The following XIRP2 variants were observed in gnomAD, a reference collection of about 807,000 sequenced individuals.
The protein encoded by XIRP2 is xin actin binding repeat containing 2, also known as xin actin-binding repeat-containing protein 2.
In XIRP2, 236 loss-of-function variants were observed where a neutral mutation model predicts 277.0. The ratio of observed to expected loss-of-function variants is 0.85; its 90% CI spans 0.77 to 0.95. The LOEUF is 0.95. XIRP2 is among the 40% of genes least tolerant of loss of function. XIRP2 has a pLI of 0.00. For missense variants in XIRP2, 4,640 were observed against 4,157.5 expected (o/e 1.12, Z -3.19); for synonymous variants, 1,490 against 1,416.5 (o/e 1.05, Z -1.17).
chr2:167,064,640 A>G (rs1271892902), intron 2 of XIRP2, among the ~76,000 whole-genome samples: 1 of 151,774 alleles, frequency 6.6e-6, no homozygotes, highest in Non-Finnish European at 1.5e-5. Context: ...AAATTTCTAT[A>G]CTCATTAAAC....
At chr2:167,059,744 A>G (rs1259171818) in intron 2 of XIRP2, among the ~76,000 whole-genome samples, 1 of 152,152 alleles carries the variant, frequency 6.6e-6, no homozygotes, top group Admixed American at 6.5e-5. Flanking sequence ...GAGACTTCCA[A>G]TGTCACACAT....
chr2:167,243,357 G>A lies in XIRP2; in HGVS notation c.1965G>A (p.Arg655=). ...ELARGDVCTA[R]WMFETRPLDS... ...CCAGAGGAGATGTCTGCACAGCTCG[G>A]TGGATGTTTGAAACAAGGCCATTGG... The change falls in exon 9 of 11, where the codon CGG becomes CGA. Residue 655 remains arginine, a synonymous_variant. Transcript: ENST00000409195. The A allele has an allele frequency of 6.2e-7, 1 of 1,614,098 alleles. No individual in the cohort carries two copies. Among genetic ancestry groups the A allele is most frequent in the Non-Finnish European group, 8.5e-7 (1 of 1,179,986 alleles).
Position 167,241,767 on chromosome 2 carries a change from CTGTT to C in XIRP2, c.1043-6_1043-3del. 1 of 1,591,978 alleles carries C rather than the reference CTGTT, an allele frequency of 6.3e-7. No individual in the cohort carries two copies. Among genetic ancestry groups the C allele is most frequent in the South Asian group, 1.2e-5 (1 of 86,754 alleles). ...TACATAGTAACCCTGGTGTGTTTTT[CTGTT>C]TGTAGTCATTGATACACCTGAGGAT... On this transcript the variant is annotated splice_region_variant and splice_polypyrimidine_tract_variant and intron_variant, in intron 7 of 10. Transcript: ENST00000409195.
chr2:167,172,953 G>A (rs1342344376), intron 3 of XIRP2, among the ~76,000 whole-genome samples: 1 of 152,194 alleles, frequency 6.6e-6, no homozygotes, highest in Non-Finnish European at 1.5e-5. Flanking sequence ...AGAGATTGCA[G>A]TAAAGACAGG....
intron 2 of XIRP2, among the ~76,000 whole-genome samples, chr2:167,022,601 A>C (rs1278547365): frequency 6.3e-5 from 9 of 141,812 alleles, no homozygotes; most frequent in South Asian, 2.2e-4. Flanking sequence ...CCTCCCCCCT[A>C]CCCCCACCCC....
intron 2 of XIRP2, among the ~76,000 whole-genome samples, chr2:167,127,809 T>C (rs1040847271): frequency 2.0e-5 from 3 of 152,326 alleles, no homozygotes; most frequent in East Asian, 3.9e-4. Context: ...TTGTTCTGTA[T>C]CAATATTTTC....
Position 167,251,503 on chromosome 2 carries a change from T to C in XIRP2, c.10111T>C (p.Phe3371Leu). The change falls in exon 9 of 11, where the codon TTT (phenylalanine) becomes CTT (leucine). Residue 3371 changes from phenylalanine to leucine, a missense_variant. By Grantham distance (22) the Phe-to-Leu change is conservative (BLOSUM62 0). Transcript: ENST00000409195. ...TAACATACAACAAGAAAGTCGTACATTTTGTAAGGAGGAATTTGGATTAAC... is the reference window on the plus strand; with the variant it reads ...TAACATACAACAAGAAAGTCGTACACTTTGTAAGGAGGAATTTGGATTAAC... ...NHNIQQESRTFCKEEFGLTSL... is the reference protein window; with the variant it reads ...NHNIQQESRTLCKEEFGLTSL... The C allele has an allele frequency of 6.2e-7, 1 of 1,613,450 alleles. No individual in the cohort carries two copies. The highest frequency in any genetic ancestry group is 8.5e-7 in the Non-Finnish European group (1 of 1,179,620).
intron 2 of XIRP2, among the ~76,000 whole-genome samples, chr2:167,058,307 G>C: frequency 6.6e-6 from 1 of 152,020 alleles, no homozygotes; most frequent in Non-Finnish European, 1.5e-5. Flanking sequence ...GGTGGGTCTT[G>C]AACTCCCGGG....
intron 2 of XIRP2, among the ~76,000 whole-genome samples, chr2:167,001,693 G>A (rs1687378502): frequency 6.6e-6 from 1 of 152,096 alleles, no homozygotes; most frequent in Non-Finnish European, 1.5e-5. Flanking sequence ...GATTTTGTAA[G>A]TGCCCCTAGT....
intron 2 of XIRP2, among the ~76,000 whole-genome samples, chr2:166,984,545 T>C (rs1574137404): frequency 6.6e-6 from 1 of 152,062 alleles, no homozygotes; most frequent in Admixed American, 6.6e-5. Context: ...CAAATAAATA[T>C]CTGCAGGAAA....
intron 1 of XIRP2, among the ~76,000 whole-genome samples, chr2:166,894,608 A>C (rs993795438): frequency 6.6e-6 from 1 of 152,164 alleles, no homozygotes; most frequent in African/African-American, 2.4e-5. Flanking sequence ...TGAGAAGAAA[A>C]AATATGTTTA....
chr2:167,258,869 G>A lies in XIRP2; in HGVS notation c.*1052G>A. 1 of 1,613,224 alleles carries A rather than the reference G, an allele frequency of 6.2e-7. No individual in the cohort carries two copies. The highest frequency in any genetic ancestry group is 8.5e-7 in the Non-Finnish European group (1 of 1,179,604). On this transcript the variant is annotated 3_prime_UTR_variant, in exon 11 of 11. Coordinates refer to ENST00000409195, the MANE Select transcript of XIRP2 (RefSeq NM_152381.6). ...ATCTGAAAAGACTTATTCGAGGAAT[G>A]TACTAGCAATGGCTCTGAAGAAACA...
intron 2 of XIRP2, among the ~76,000 whole-genome samples, chr2:167,070,814 CA>C (rs1279145535): frequency 1.3e-5 from 2 of 151,942 alleles, no homozygotes; most frequent in Admixed American, 1.3e-4. Flanking sequence ...TTTTAAGGAA[CA>C]AATTCATCTT....
intron 2 of XIRP2, among the ~76,000 whole-genome samples, chr2:167,019,082 C>A (rs1394778372): frequency 6.6e-6 from 1 of 151,924 alleles, no homozygotes; most frequent in Non-Finnish European, 1.5e-5. Flanking sequence ...AGGTTAGATG[C>A]TGAGAAATCT....
At chr2:167,162,975 A>G (rs1330294506) in intron 3 of XIRP2, among the ~76,000 whole-genome samples, 1 of 152,110 alleles carries the variant, frequency 6.6e-6, no homozygotes, top group Non-Finnish European at 1.5e-5. Flanking sequence ...CAATTCATCC[A>G]TGTTGATAAA....
rs551708621 is a variant in XIRP2, at chr2:167,041,766, A to G, written c.409-94143A>G. On this transcript the variant is annotated intron_variant, in intron 2 of 10. Coordinates refer to ENST00000409195, the MANE Select transcript of XIRP2 (RefSeq NM_152381.6). ...AGGGCACGTGTGCAACTTGGAAAAC[A>G]TATTTAAGAATATTGCCCACAAAAA... Among the ~76,000 whole-genome samples, 4 of 152,306 alleles carry G rather than the reference A, an allele frequency of 2.6e-5. No homozygotes were observed. The South Asian group carries it at 8.3e-4, about 32-fold the overall frequency.
intron 3 of XIRP2, among the ~76,000 whole-genome samples, chr2:167,158,240 A>G (rs559573851): frequency 8.3e-4 from 126 of 152,312 alleles, no homozygotes; most frequent in African/African-American, 2.9e-3. Context: ...CATATTTTCT[A>G]TTATTTCTCA....
Position 167,249,979 on chromosome 2 carries a change from G to C in XIRP2, c.8587G>C (p.Asp2863His). ...VKQKVIDAHL[D>H]SQTQNFQQTQ... ...GCAAAAGGTTATCGATGCACATCTT[G>C]ATTCACAGACTCAGAATTTTCAGCA... The change falls in exon 9 of 11, where the codon GAT becomes CAT. Residue 2863 changes from aspartate (D) to histidine (H), a missense_variant. By Grantham distance (81) the Asp-to-His change is moderately conservative. Transcript: ENST00000409195. 1 of 1,613,498 alleles carries C rather than the reference G, an allele frequency of 6.2e-7. No individual in the cohort carries two copies. Among genetic ancestry groups the C allele is most frequent in the Admixed American group, 1.7e-5 (1 of 59,954 alleles).
intron 3 of XIRP2, among the ~76,000 whole-genome samples, chr2:167,198,359 A>G (rs1311617287): frequency 1.3e-5 from 2 of 152,234 alleles, no homozygotes; most frequent in Non-Finnish European, 2.9e-5. Flanking sequence ...TTTAATATGT[A>G]AACATTCCTG....
Sources: allele counts gnomAD v4.1 joint callset (sites outside exome capture counted in the v4.1 genomes callset), GRCh38; gene constraint gnomAD v4.1.1; transcripts MANE v1.5; gene names NCBI Gene and HGNC (gene_info 2026-07-23, HGNC 2026-07-21).